The following TRERF1 variants were observed in gnomAD, a reference collection of about 807,000 sequenced individuals.
The protein encoded by TRERF1 is transcriptional regulating factor 1, also known as transcriptional-regulating factor 1.
Under a neutral mutation model 122.9 loss-of-function variants are expected in TRERF1, and 27 were observed. The observed-to-expected ratio is 0.22, with a 90% confidence interval of 0.16 to 0.30. The LOEUF (loss-of-function observed/expected upper bound fraction) is 0.30. Ranked by LOEUF, TRERF1 falls within the 10% of genes least tolerant of loss-of-function variation. TRERF1 has a pLI of 1.00. For missense variants in TRERF1, 1,248 were observed against 1,560.3 expected (o/e 0.80, Z 3.37); for synonymous variants, 636 against 641.7 (o/e 0.99, Z 0.13).
At chr6:42,439,004 A>C (rs1785989282) in intron 2 of TRERF1, among the ~76,000 whole-genome samples, 1 of 152,196 alleles carries the variant, frequency 6.6e-6, no homozygotes, top group Admixed American at 6.5e-5. Flanking sequence ...GCCTCAAGGA[A>C]GAAAAGGGGA....
intron 2 of TRERF1, among the ~76,000 whole-genome samples, chr6:42,415,098 G>C (rs777074183): frequency 3.3e-5 from 5 of 152,106 alleles, no homozygotes; most frequent in Non-Finnish European, 7.4e-5. Flanking sequence ...CAATCTGATA[G>C]GTTACAAATG....
chr6:42,277,903 A>AAGG, intron 4 of TRERF1, among the ~76,000 whole-genome samples: 1 of 93,582 alleles, frequency 1.1e-5, no homozygotes, highest in South Asian at 3.3e-4. Context: ...AAGAAGGAAG[A>AAGG]AGGAAGAAGA....
At chr6:42,303,847 G>A (rs1033870878) in intron 3 of TRERF1, among the ~76,000 whole-genome samples, 1 of 139,474 alleles carries the variant, frequency 7.2e-6, no homozygotes, top group African/African-American at 2.7e-5. Context: ...AGGCTGCAGT[G>A]AGCAGAGATC....
rs913039042 is a variant in TRERF1 at position 42,263,149 on chromosome 6, G to A, written c.1884+171C>T. Reference sequence around the variant, plus strand: ...AATGTGGCCACGGGTTCAGCCCTGAGAGACCAAGCCGTATCCAAGCTCAGG... The same window carrying A: ...AATGTGGCCACGGGTTCAGCCCTGAAAGACCAAGCCGTATCCAAGCTCAGG... On this transcript the variant is annotated intron_variant, in intron 8 of 17. Coordinates refer to ENST00000372922, the Ensembl canonical transcript of TRERF1. The surrounding 1 kb of genome is among the most constrained non-coding windows in gnomAD (Gnocchi z 5.6). 2.2e-6 allele frequency: 3 copies of A among 1,375,764 alleles called. No individual in the cohort carries two copies. Among genetic ancestry groups the A allele is most frequent in the African/African-American group, 2.9e-5 (2 of 68,604 alleles). The allele number at this position is 1,375,764 out of a possible 1,614,324, so 85.2% of individuals were successfully genotyped here.
At position 42,263,151 on chromosome 6, in the gene TRERF1, G is replaced by T. The variant is rs908266977; in HGVS notation, c.1884+169C>A. The T allele has an allele frequency of 2.9e-6, 4 of 1,384,670 alleles. No individual in the cohort carries two copies. The highest frequency in any genetic ancestry group is 3.7e-6 in the Non-Finnish European group (4 of 1,070,098). The allele number at this position is 1,384,670 out of a possible 1,614,324, so 85.8% of individuals were successfully genotyped here. A position where few individuals can be genotyped will look rare whatever the true frequency, so the allele number is the denominator to read the frequency against. ...TGTGGCCACGGGTTCAGCCCTGAGA[G>T]ACCAAGCCGTATCCAAGCTCAGGTC... is the stretch of plus-strand genomic sequence containing the variant. On this transcript the variant is annotated intron_variant, in intron 8 of 17. Transcript: ENST00000372922. The surrounding 1 kb of genome is among the most constrained non-coding windows in gnomAD (Gnocchi z 5.6).
intron 2 of TRERF1, among the ~76,000 whole-genome samples, chr6:42,403,198 C>T (rs1779667436): frequency 6.6e-6 from 1 of 151,920 alleles, no homozygotes; most frequent in South Asian, 2.1e-4. Flanking sequence ...AAATAAGGCC[C>T]AAAAAAGCAG....
chr6:42,265,814 C>T lies in TRERF1; in HGVS notation c.1438-17G>A. On this transcript the variant is annotated splice_polypyrimidine_tract_variant and intron_variant, in intron 5 of 17. Coordinates refer to ENST00000372922, the Ensembl canonical transcript of TRERF1. ...TAGGTGCATCTAATTTTGAGCCAAACAGGACACCGAAAAAAAGAAGAGAAA... is the reference window on the plus strand; with the variant it reads ...TAGGTGCATCTAATTTTGAGCCAAATAGGACACCGAAAAAAAGAAGAGAAA... 12 of 1,612,450 alleles carry T rather than the reference C, an allele frequency of 7.4e-6. No individual in the cohort carries two copies. Among genetic ancestry groups the T allele is most frequent in the Non-Finnish European group, 8.5e-6 (10 of 1,179,252 alleles).
intron 2 of TRERF1, among the ~76,000 whole-genome samples, chr6:42,367,550 G>A (rs185968968): frequency 3.9e-5 from 6 of 152,098 alleles, no homozygotes; most frequent in Admixed American, 1.3e-4. Flanking sequence ...GAGGAGAGGC[G>A]TGCAGAGCCA....
intron 3 of TRERF1, among the ~76,000 whole-genome samples, chr6:42,357,328 CAAAAAAAAAA>C (rs35651008): frequency 1.1e-4 from 7 of 61,154 alleles, no homozygotes; most frequent in African/African-American, 1.1e-4. Flanking sequence ...GACTCTGTCT[CAAAAAAAAAA>C]AAAAAAAAAA....
At chr6:42,331,890 G>A (rs1421885991) in intron 3 of TRERF1, among the ~76,000 whole-genome samples, 1 of 152,210 alleles carries the variant, frequency 6.6e-6, no homozygotes, top group Non-Finnish European at 1.5e-5. Context: ...TTAGGAATGA[G>A]GAGTTTGTAA....
chr6:42,269,007 G>C lies in TRERF1; in HGVS notation c.584C>G (p.Pro195Arg). The change falls in exon 5 of 18, where the codon CCG becomes CGG. Residue 195 changes from proline to arginine, a missense_variant. Physicochemically the swap from Pro to Arg is moderately radical, Grantham distance 103 (BLOSUM62 -2). Around this residue, in one of 5 missense-constraint regions of TRERF1, gnomAD observed 946 missense variants for 1,073.0 expected, o/e 0.88. Coordinates refer to ENST00000372922, the Ensembl canonical transcript of TRERF1. This position sits in a 1 kb window ranked among gnomAD's most constrained non-coding sequence, Gnocchi z 4.9. ...CTGCTGGTAGCGGGAAGGGATAGCCGGTGCTGGGGGCTCCATGGGCTTCTG... is the reference window on the plus strand; with the variant it reads ...CTGCTGGTAGCGGGAAGGGATAGCCCGTGCTGGGGGCTCCATGGGCTTCTG... 6.2e-7 allele frequency: 1 copy of C among 1,613,616 alleles called. No homozygotes were observed.
chr6:42,238,482 C>G (rs7742167), intron 15 of TRERF1, among the ~76,000 whole-genome samples: 4,987 of 152,034 alleles, frequency 0.033, 294 homozygotes, highest in African/African-American at 0.11. Flanking sequence ...AATACAAGAA[C>G]AAAAATCTTA....
intron 3 of TRERF1, among the ~76,000 whole-genome samples, chr6:42,323,209 TTC>T (rs1438873840): frequency 2.6e-5 from 4 of 151,598 alleles, no homozygotes; most frequent in Non-Finnish European, 1.5e-5. Flanking sequence ...TTTTTTTTTT[TTC>T]CTTTTGAGAT....
chr6:42,310,543 T>C (rs1360022259), intron 3 of TRERF1, among the ~76,000 whole-genome samples: 1 of 152,190 alleles, frequency 6.6e-6, no homozygotes, highest in African/African-American at 2.4e-5. Context: ...GTTGTCACAG[T>C]TGGGGGAGTT....
At chr6:42,444,810 T>A (rs1026521250) in intron 2 of TRERF1, among the ~76,000 whole-genome samples, 6 of 152,184 alleles carry the variant, frequency 3.9e-5, no homozygotes, top group African/African-American at 4.8e-5. Flanking sequence ...CCACTCCGTT[T>A]CTCTGCTCCT....
rs180916681 is a variant in TRERF1 at position 42,375,118 on chromosome 6, C to T, written c.-453-12039G>A. On this transcript the variant is annotated intron_variant, in intron 2 of 17. Coordinates refer to ENST00000372922, the Ensembl canonical transcript of TRERF1. ...GAAACCCAGGAAGCTCAGGGTAAAGCGACTGTCCCAGCCCAGGCAGGGCCT... is the reference window on the plus strand; with the variant it reads ...GAAACCCAGGAAGCTCAGGGTAAAGTGACTGTCCCAGCCCAGGCAGGGCCT... 2.2e-3 allele frequency among the ~76,000 whole-genome samples: 339 copies of T among 152,040 alleles called. 1 individual carries two copies. Among genetic ancestry groups the T allele is most frequent in the African/African-American group, 7.7e-3 (319 of 41,438 alleles).
At chr6:42,294,144 G>C (rs990573769) in intron 4 of TRERF1, among the ~76,000 whole-genome samples, 2 of 152,016 alleles carry the variant, frequency 1.3e-5, no homozygotes, top group African/African-American at 2.4e-5. Flanking sequence ...GTAGGAATTA[G>C]GGGTAAGAAG....
chr6:42,388,483 C>G (rs984862939), intron 2 of TRERF1, among the ~76,000 whole-genome samples: 1 of 152,026 alleles, frequency 6.6e-6, no homozygotes, highest in African/African-American at 2.4e-5. Flanking sequence ...GTACAGCTGC[C>G]ATAGAAAGCT....
At chr6:42,286,698 T>C (rs1428487479) in intron 4 of TRERF1, among the ~76,000 whole-genome samples, 12 of 102,554 alleles carry the variant, frequency 1.2e-4, no homozygotes, top group African/African-American at 4.7e-4. Context: ...TTGGTGGGAC[T>C]GTAAACTAGT....
Sources: allele counts gnomAD v4.1 joint callset (sites outside exome capture counted in the v4.1 genomes callset), GRCh38; gene constraint gnomAD v4.1.1; regional missense constraint gnomAD v4.1.1; non-coding constraint Gnocchi (gnomAD v3.1); transcripts MANE v1.5; gene names NCBI Gene and HGNC (gene_info 2026-07-23, HGNC 2026-07-21).